Variants in AHNAK observed in about 807,000 individuals in gnomAD.
AHNAK encodes the protein neuroblast differentiation-associated protein AHNAK.
Under a neutral mutation model 37.8 loss-of-function variants are expected in AHNAK, and 23 were observed. The observed-to-expected ratio is 0.61, with a 90% CI of 0.44 to 0.86. The LOEUF (loss-of-function observed/expected upper bound fraction) is 0.86. Among genes scored for constraint, AHNAK ranks in the 40% least tolerant of loss-of-function variants. The pLI is 0.00. For missense variants in AHNAK, 7,411 were observed against 7,319.4 expected (o/e 1.01, Z -0.46); for synonymous variants, 2,481 against 2,636.3 (o/e 0.94, Z 1.80).
At position 62,526,872 on chromosome 11, in the gene AHNAK, C is replaced by T; in HGVS notation, c.7545G>A (p.Met2515Ile). ...DWHLKMPKMKMPKFSMPGFKA... is the reference protein window; with the variant it reads ...DWHLKMPKMKIPKFSMPGFKA... ...TGAAGCCAGGCATGCTGAACTTGGG[C>T]ATTTTCATCTTGGGCATCTTCAGGT... The change falls in exon 5 of 5, where the codon ATG (methionine) becomes ATA (isoleucine). Residue 2515 changes from methionine to isoleucine, a missense_variant. Met to Ile is a conservative substitution (Grantham distance 10). Coordinates refer to ENST00000378024, the MANE Select transcript of AHNAK (RefSeq NM_001620.3). The T allele has an allele frequency of 3.1e-6, 5 of 1,614,070 alleles. No individual in the cohort carries two copies. Among genetic ancestry groups the T allele is most frequent in the Non-Finnish European group, 4.2e-6 (5 of 1,180,026 alleles).
At chr11:62,459,643 T>C (rs1312725107) in intron 5 of AHNAK, among the ~76,000 whole-genome samples, 1 of 151,980 alleles carries the variant, frequency 6.6e-6, no homozygotes, top group East Asian at 1.9e-4. Flanking sequence ...AGCCCAGAAA[T>C]ATTCATTGAG....
In AHNAK at chr11:62,525,394, A is replaced by G; in HGVS notation, c.9023T>C (p.Val3008Ala). The G allele has an allele frequency of 6.2e-7, 1 of 1,612,706 alleles. No individual in the cohort carries two copies. Among genetic ancestry groups the G allele is most frequent in the South Asian group, 1.1e-5 (1 of 91,022 alleles). Residue 3008 changes from valine to alanine, a missense_variant, in exon 5 of 5, where the codon GTC becomes GCC. Coordinates refer to ENST00000378024, the MANE Select transcript of AHNAK (RefSeq NM_001620.3). ...DIRGPQVDID[V>A]PDVGVQGPDW... is the part of the protein sequence containing the mutation. ...TGGGCCTTGAACGCCCACATCCGGG[A>G]CATCAATGTCCACTTGGGGACCCCT...
intron 4 of AHNAK, among the ~76,000 whole-genome samples, chr11:62,498,853 C>T (rs1939661987): frequency 6.6e-6 from 1 of 152,004 alleles, no homozygotes; most frequent in Non-Finnish European, 1.5e-5. Context: ...TCCACCTGTC[C>T]AACAGAATAT....
Position 62,523,174 on chromosome 11 carries a change from G to C in AHNAK, c.11243C>G (p.Pro3748Arg). 1 of 1,613,698 alleles carries C rather than the reference G, an allele frequency of 6.2e-7. No homozygotes were observed. The highest frequency in any genetic ancestry group is 8.5e-7 in the Non-Finnish European group (1 of 1,179,934). Residue 3748 changes from proline (P) to arginine (R), a missense_variant, in exon 5 of 5, where the codon CCT becomes CGT. Physicochemically the swap from Pro to Arg is moderately radical, Grantham distance 103. Coordinates refer to ENST00000378024, the MANE Select transcript of AHNAK (RefSeq NM_001620.3). ...GCCCTTCAGGTTTAAATCAATGTCA[G>C]GCATCGATATTTTGGGAGCCTTCAG... ...MHLKAPKISM[P>R]DIDLNLKGPK...
chr11:62,501,445 T>C (rs1939709874), intron 4 of AHNAK, among the ~76,000 whole-genome samples: 1 of 152,136 alleles, frequency 6.6e-6, no homozygotes, highest in Admixed American at 6.6e-5. Context: ...TGCATACTTG[T>C]AGTCCCAGCT....
At position 62,520,889 on chromosome 11, in the gene AHNAK, G is replaced by T. The variant is rs1940213249; in HGVS notation, c.13528C>A (p.Pro4510Thr). The part of the protein sequence containing the change: ...GKLKGPKFKM[P>T]DVHFKSPQIS... Reference sequence around the variant, plus strand: ...TGTGGGCTTTTGAAATGTACATCAGGCATCTTAAACTTGGGACCTTTGAGC... The same window carrying T: ...TGTGGGCTTTTGAAATGTACATCAGTCATCTTAAACTTGGGACCTTTGAGC... The change falls in exon 5 of 5, where the codon CCT becomes ACT. Residue 4510 changes from proline (P) to threonine (T), a missense_variant. Coordinates refer to ENST00000378024, the MANE Select transcript of AHNAK (RefSeq NM_001620.3). The T allele has an allele frequency of 6.2e-7, 1 of 1,614,088 alleles. No homozygotes were observed. The highest frequency in any genetic ancestry group is 1.3e-5 in the African/African-American group (1 of 74,996).
chr11:62,546,187 A>T (rs1049136591), intron 1 of AHNAK: 2 of 153,782 alleles, frequency 1.3e-5, no homozygotes, highest in African/African-American at 2.4e-5. Flanking sequence ...GCGGAAGGAC[A>T]GCCGAGGGGG....
intron 5 of AHNAK, among the ~76,000 whole-genome samples, chr11:62,462,509 G>C (rs1225928569): frequency 1.3e-5 from 2 of 152,172 alleles, no homozygotes; most frequent in Admixed American, 6.5e-5. Flanking sequence ...AAGCAGCCAA[G>C]CACAGGTGGT....
At chr11:62,507,264 A>G (rs1322474708) in intron 4 of AHNAK, among the ~76,000 whole-genome samples, 1 of 152,146 alleles carries the variant, frequency 6.6e-6, no homozygotes, top group African/African-American at 2.4e-5. Flanking sequence ...AACTTCTCTG[A>G]GCCTCAGTTT....
intron 5 of AHNAK, among the ~76,000 whole-genome samples, chr11:62,481,651 C>T (rs1391524123): frequency 6.7e-6 from 1 of 149,696 alleles, no homozygotes; most frequent in Non-Finnish European, 1.5e-5. Context: ...GATCTTGGCT[C>T]ACTGCAAGCT....
At chr11:62,511,595 C>G (rs980452320), downstream of AHNAK, among the ~76,000 whole-genome samples, 1 of 151,524 alleles carries the variant, frequency 6.6e-6, no homozygotes, top group African/African-American at 2.4e-5. Flanking sequence ...TAGAGCTTCC[C>G]GAGGTGACCA....
At chr11:62,540,237 C>A (rs1303597624) in intron 1 of AHNAK, among the ~76,000 whole-genome samples, 1 of 152,230 alleles carries the variant, frequency 6.6e-6, no homozygotes, top group African/African-American at 2.4e-5. Flanking sequence ...TAAACTTAAT[C>A]AATTAAAATT....
Position 62,518,841 on chromosome 11 carries a change from A to G in AHNAK, c.15576T>C (p.Pro5192=). The change falls in exon 5 of 5, where the codon CCT becomes CCC. Residue 5192 remains proline, a synonymous_variant. Transcript: ENST00000378024. ...VKTPSFGISA[P]QVSIPDVNVN... ...CATTCACATCAGGGATGGAGACTTG[A>G]GGGGCAGAAATGCCGAAGGACGGTG... 1 of 1,614,210 alleles carries G rather than the reference A, an allele frequency of 6.2e-7. No homozygotes were observed.
chr11:62,440,942 G>T (rs1170477180), intron 5 of AHNAK, among the ~76,000 whole-genome samples: 2 of 152,034 alleles, frequency 1.3e-5, no homozygotes, highest in Non-Finnish European at 1.5e-5. Context: ...AAGACAGGTG[G>T]ATCTCTTGAG....
intron 5 of AHNAK, among the ~76,000 whole-genome samples, chr11:62,490,552 G>A (rs919623666): frequency 2.6e-5 from 4 of 151,988 alleles, no homozygotes; most frequent in South Asian, 2.1e-4. Context: ...TATGCTGAAC[G>A]GACATTCACC....
chr11:62,440,594 C>T (rs1388233293), intron 5 of AHNAK, among the ~76,000 whole-genome samples: 2 of 152,136 alleles, frequency 1.3e-5, no homozygotes, highest in South Asian at 2.1e-4. Context: ...TTCATGATGA[C>T]GCCTGTCATG....
rs372401615 is a variant in AHNAK, at chr11:62,525,553, T to C, written c.8864A>G (p.Glu2955Gly). 1 of 1,613,992 alleles carries C rather than the reference T, an allele frequency of 6.2e-7. No homozygotes were observed. Among genetic ancestry groups the C allele is most frequent in the Non-Finnish European group, 8.5e-7 (1 of 1,180,040 alleles). ...KLKGPKFKMP[E>G]MNIKAPKIPM... ...GATCTTGGGGGCTTTGATATTCATCTCTGGCATCTTGAACTTGGGCCCTTT... is the reference window on the plus strand; with the variant it reads ...GATCTTGGGGGCTTTGATATTCATCCCTGGCATCTTGAACTTGGGCCCTTT... Residue 2955 changes from glutamate to glycine, a missense_variant, in exon 5 of 5, where the codon GAG becomes GGG. Transcript: ENST00000378024.
At chr11:62,452,022 C>A (rs1456377132) in intron 5 of AHNAK, among the ~76,000 whole-genome samples, 2 of 151,678 alleles carry the variant, frequency 1.3e-5, no homozygotes, top group Non-Finnish European at 2.9e-5. Flanking sequence ...CCGTGTTAGC[C>A]AGGATGGTCT....
In AHNAK at chr11:62,524,469, G is replaced by A; in HGVS notation, c.9948C>T (p.Pro3316=). The stretch of plus-strand genomic sequence containing the variant: ...GAGCTTTAATGTCACCTTCCAACTT[G>A]GGCCCAGAGACATCAACATCTCCCT... ...KLKGDVDVSG[P]KLEGDIKAPS... is the part of the protein sequence containing the mutation. The change falls in exon 5 of 5, where the codon CCC becomes CCT. Residue 3316 remains proline, a synonymous_variant. Coordinates refer to ENST00000378024, the MANE Select transcript of AHNAK (RefSeq NM_001620.3). 6.2e-7 allele frequency: 1 copy of A among 1,613,900 alleles called. No homozygotes were observed. The highest frequency in any genetic ancestry group is 8.5e-7 in the Non-Finnish European group (1 of 1,179,956).
Sources: gnomAD v4.1 joint callset for allele counts (sites outside exome capture counted in the v4.1 genomes callset) on GRCh38, gnomAD v4.1.1 for gene constraint, MANE v1.5 for transcripts, NCBI Gene and HGNC (gene_info 2026-07-23, HGNC 2026-07-21) for gene names.